The following MAEA variants were observed in gnomAD, a reference collection of about 807,000 sequenced individuals.
MAEA encodes macrophage erythroblast attacher, E3 ubiquitin ligase.
Under a neutral mutation model 46.2 loss-of-function variants are expected in MAEA, and 22 were observed. The observed-to-expected ratio is 0.48, with a 90% CI of 0.34 to 0.68. The LOEUF (loss-of-function observed/expected upper bound fraction) is 0.68. Ranked by LOEUF, MAEA falls within the 30% of genes least tolerant of loss-of-function variation. The pLI is 0.01. For synonymous variants in MAEA, 246 were observed against 222.6 expected, an observed-to-expected ratio of 1.11 and a Z score of -0.94; for missense variants, 393 against 558.1, an observed-to-expected ratio of 0.70 and a Z score of 2.98.
intron 1 of MAEA, among the ~76,000 whole-genome samples, chr4:1,296,858 C>G (rs1046308645): frequency 2.6e-4 from 39 of 152,250 alleles, no homozygotes; most frequent in African/African-American, 9.1e-4. Flanking sequence ...CTGGGCTCTC[C>G]CCACCCCTCG....
intron 6 of MAEA, 48 bp downstream of exon 6, chr4:1,332,913 A>C (rs1049956956): frequency 6.9e-7 from 1 of 1,452,378 alleles, no homozygotes; most frequent in African/African-American, 1.4e-5. Context: ...GTGGGGATCC[A>C]GGGTGTGTCT....
intron 1 of MAEA, among the ~76,000 whole-genome samples, chr4:1,292,392 G>T (rs754642877): frequency 2.0e-5 from 3 of 152,144 alleles, no homozygotes; most frequent in Non-Finnish European, 4.4e-5. Flanking sequence ...TGGGTGCCTG[G>T]CAGGTACTTA....
At position 1,332,739 on chromosome 4, in the gene MAEA, C is replaced by G; in HGVS notation, c.657-18C>G. 6.3e-7 allele frequency: 1 copy of G among 1,598,334 alleles called. No individual in the cohort carries two copies. The highest frequency in any genetic ancestry group is 8.6e-7 in the Non-Finnish European group (1 of 1,168,326). On this transcript the variant is annotated intron_variant, in intron 5 of 8. Transcript: ENST00000303400. ...AATTAAAACGCAAACTTAAATGTGC[C>G]AAAATGTTGTTTTTTAGACATGCAA...
chr4:1,321,939 T>C (rs1416947366), intron 3 of MAEA, among the ~76,000 whole-genome samples: 1 of 151,290 alleles, frequency 6.6e-6, no homozygotes, highest in Non-Finnish European at 1.5e-5. Flanking sequence ...TTAGCCATAA[T>C]GTGTTTATGT....
chr4:1,330,341 T>A (rs2108992554), intron 5 of MAEA: 1 of 159,540 alleles, frequency 6.3e-6, no homozygotes, highest in Non-Finnish European at 1.3e-5. Flanking sequence ...TGTGTGTGTG[T>A]GTGTGTTTTG....
intron 4 of MAEA, 32 bp downstream of exon 4, chr4:1,322,535 G>A: frequency 6.2e-7 from 1 of 1,610,368 alleles, no homozygotes; most frequent in South Asian, 1.1e-5. Context: ...GGTGGGAGTG[G>A]GTCGGGGCCG....
intron 2 of MAEA, 21 bp downstream of exon 2, chr4:1,312,182 C>G: frequency 1.9e-6 from 3 of 1,613,438 alleles, no homozygotes; most frequent in Non-Finnish European, 2.5e-6. Context: ...CCTGGCGGTC[C>G]CTCTTCAGTC....
intron 7 of MAEA, chr4:1,337,419 T>C (rs919804538): frequency 4.6e-5 from 11 of 237,952 alleles, no homozygotes; most frequent in Admixed American, 2.7e-4. Context: ...TGTCCCTGCC[T>C]GTGACTGACT....
intron 2 of MAEA, 52 bp from the exon 3 acceptor site, chr4:1,315,339 TGGTGCA>T: frequency 6.5e-7 from 1 of 1,537,770 alleles, no homozygotes; most frequent in Non-Finnish European, 9.0e-7. Context: ...TGGCCTCCCT[TGGTGCA>T]GGGCTGCGGG....
chr4:1,295,798 CCCA>C (rs1560323872), intron 1 of MAEA, among the ~76,000 whole-genome samples: 6 of 31,656 alleles, frequency 1.9e-4, no homozygotes, highest in Admixed American at 3.8e-4. Context: ...TGCCCCCCTC[CCCA>C]GCGCCTGTGC....
At chr4:1,329,995 G>T (rs969960011) in intron 5 of MAEA, 1 of 985,400 alleles carries the variant, frequency 1.0e-6, no homozygotes, top group African/African-American at 1.7e-5. Context: ...GTCCACTGGG[G>T]CAGGCAAGGT....
Position 1,311,762 on chromosome 4 carries a change from G to A in MAEA, c.70-217G>A, listed in dbSNP as rs1736534284. Among the ~76,000 whole-genome samples, 1 of 152,208 alleles carries A rather than the reference G, an allele frequency of 6.6e-6. No homozygotes were observed. The highest frequency in any genetic ancestry group is 2.4e-5 in the African/African-American group (1 of 41,450). ...ACGTACAATGTTTTTGGCAAAAATT[G>A]GGGTTGCTTCTCATCCAGGGATGTG... On this transcript the variant is annotated intron_variant, in intron 1 of 8. Transcript: ENST00000303400. This position sits in a 1 kb window ranked among gnomAD's most constrained non-coding sequence, Gnocchi z 4.4.
At chr4:1,330,203 C>T (rs1711515333) in intron 5 of MAEA, 1 of 926,426 alleles carries the variant, frequency 1.1e-6, no homozygotes, top group Non-Finnish European at 1.3e-6. Flanking sequence ...GCGGCTGGGA[C>T]CTGGCCTGTA....
At chr4:1,327,978 G>A (rs1274215468) in intron 5 of MAEA, among the ~76,000 whole-genome samples, 1 of 152,234 alleles carries the variant, frequency 6.6e-6, no homozygotes, top group Admixed American at 6.5e-5. Flanking sequence ...CAGCTTTGAG[G>A]TCCCGACCGT....
At chr4:1,303,805 T>TA (rs1380134413) in intron 1 of MAEA, among the ~76,000 whole-genome samples, 2 of 151,208 alleles carry the variant, frequency 1.3e-5, no homozygotes, top group Non-Finnish European at 2.9e-5. Context: ...TTGGTAAAAT[T>TA]AAAAATGACA....
intron 1 of MAEA, among the ~76,000 whole-genome samples, chr4:1,291,230 A>C (rs1469687313): frequency 6.6e-6 from 1 of 152,124 alleles, no homozygotes; most frequent in Non-Finnish European, 1.5e-5. Context: ...TCCAGGACTT[A>C]AGCGATCCTC....
At chr4:1,319,937 T>C (rs913311225) in intron 3 of MAEA, among the ~76,000 whole-genome samples, 1 of 122,240 alleles carries the variant, frequency 8.2e-6, no homozygotes, top group African/African-American at 3.3e-5. Context: ...CAGAAAAGAA[T>C]CATCAAAGCA....
chr4:1,334,637 G>A (rs1247058185), intron 6 of MAEA, among the ~76,000 whole-genome samples: 3 of 152,266 alleles, frequency 2.0e-5, no homozygotes, highest in Admixed American at 6.5e-5. Flanking sequence ...GTGGTAAAGA[G>A]GGAGGCAGGC....
intron 6 of MAEA, chr4:1,334,809 T>C: frequency 5.3e-6 from 5 of 945,254 alleles, no homozygotes; most frequent in Non-Finnish European, 6.3e-6. Flanking sequence ...CAACCAGTCC[T>C]GGGGAGTGAG....
Sources: gnomAD v4.1 joint callset for allele counts (sites outside exome capture counted in the v4.1 genomes callset) on GRCh38, gnomAD v4.1.1 for gene constraint, Gnocchi (gnomAD v3.1) non-coding constraint, MANE v1.5 for transcripts, NCBI Gene and HGNC (gene_info 2026-07-23, HGNC 2026-07-21) for gene names.